ARHGEF4: variants seen among roughly 807,000 people sequenced by gnomAD.
ARHGEF4 encodes the protein Rho guanine nucleotide exchange factor 4.
In ARHGEF4, 119 loss-of-function variants were observed where a neutral mutation model predicts 162.0. The ratio of observed to expected loss-of-function variants is 0.73; its 90% CI spans 0.63 to 0.86. The LOEUF (loss-of-function observed/expected upper bound fraction) is 0.86, where lower values mean the gene tolerates loss of function less well. ARHGEF4 is among the 40% of genes least tolerant of loss of function. The probability of loss-of-function intolerance (pLI) is 0.00; values close to 1 mark genes in which losing one functional copy is unlikely to be tolerated. For missense variants in ARHGEF4, 2,488 were observed against 2,456.0 expected, an observed-to-expected ratio of 1.01 and a Z score of -0.28; for synonymous variants, 1,014 against 979.9, an observed-to-expected ratio of 1.03 and a Z score of -0.65.
intron 4 of ARHGEF4, among the ~76,000 whole-genome samples, chr2:131,016,354 G>C (rs1688776519): frequency 6.6e-6 from 1 of 152,178 alleles, no homozygotes; most frequent in African/African-American, 2.4e-5. Flanking sequence ...ATGGGCTCTG[G>C]ATAAATACAT....
At chr2:130,847,181 A>C (rs1335400721) in intron 1 of ARHGEF4, among the ~76,000 whole-genome samples, 1 of 152,190 alleles carries the variant, frequency 6.6e-6, no homozygotes, top group Non-Finnish European at 1.5e-5. Flanking sequence ...CACCCTCCAG[A>C]AGCAGGCTAC....
intron 1 of ARHGEF4, among the ~76,000 whole-genome samples, chr2:130,879,920 A>G (rs1440274276): frequency 6.6e-6 from 1 of 152,224 alleles, no homozygotes; most frequent in Non-Finnish European, 1.5e-5. Context: ...CTGGGACTAC[A>G]GATGACGTCC....
At chr2:130,985,891 T>C (rs1217742394) in intron 4 of ARHGEF4, among the ~76,000 whole-genome samples, 2 of 151,858 alleles carry the variant, frequency 1.3e-5, no homozygotes, top group Non-Finnish European at 2.9e-5. Context: ...TTGTATATGT[T>C]GTGTGCATTG....
rs766224023 is a variant in ARHGEF4 at position 131,043,583 on chromosome 2, G to A, written c.5157G>A (p.Lys1719=). 1 of 1,613,958 alleles carries A rather than the reference G, an allele frequency of 6.2e-7. No individual in the cohort carries two copies. Among genetic ancestry groups the A allele is most frequent in the Non-Finnish European group, 8.5e-7 (1 of 1,179,964 alleles). The change falls in exon 11 of 14, where the codon AAG becomes AAA. Residue 1719 remains lysine (K), a splice_region_variant and synonymous_variant. Coordinates refer to ENST00000409359, the MANE Select transcript of ARHGEF4 (RefSeq NM_001367493.1). ...ACCACCAGCTCATCTACTGTAAGAA[G>A]GTACCAGAGCTGCTCTGCCCTGCTG... ...LFDHQLIYCK[K]DLLRRDVLYY... is the part of the protein sequence containing the mutation.
At chr2:130,855,475 C>T (rs921398159) in intron 1 of ARHGEF4, among the ~76,000 whole-genome samples, 1 of 152,190 alleles carries the variant, frequency 6.6e-6, no homozygotes, top group African/African-American at 2.4e-5. Context: ...TGCAAGCTTC[C>T]AGGTGTCCCC....
At chr2:130,874,402 C>T (rs1480251157) in intron 1 of ARHGEF4, among the ~76,000 whole-genome samples, 1 of 152,232 alleles carries the variant, frequency 6.6e-6, no homozygotes. Context: ...TCCTCAGGCC[C>T]ACAAGGTGTG....
chr2:130,977,408 T>C (rs1685811969), intron 4 of ARHGEF4, among the ~76,000 whole-genome samples: 1 of 151,834 alleles, frequency 6.6e-6, no homozygotes, highest in Non-Finnish European at 1.5e-5. Context: ...GTGTTTTTTG[T>C]GTATGGGGTG....
At position 130,972,112 on chromosome 2, in the gene ARHGEF4, G is replaced by A. The variant is rs142047709; in HGVS notation, c.3985+25477G>A. 1.7e-3 allele frequency among the ~76,000 whole-genome samples: 253 copies of A among 152,310 alleles called. 3 individuals carry two copies. The highest frequency in any genetic ancestry group is 5.9e-3 in the African/African-American group (245 of 41,556). On this transcript the variant is annotated intron_variant, in intron 4 of 13. Transcript: ENST00000409359. ...TAAGTCATTCCAGGCAAGGCCTCGG[G>A]TTGTATAACTAATGTTTCTAATAAA...
intron 2 of ARHGEF4, among the ~76,000 whole-genome samples, chr2:130,925,374 A>G (rs188296473): frequency 4.6e-5 from 7 of 152,304 alleles, no homozygotes; most frequent in Admixed American, 6.5e-5. Context: ...AAGCAATTCA[A>G]TGGATAGTCT....
At chr2:130,918,388 TGGAA>T (rs1198075566) in intron 2 of ARHGEF4, among the ~76,000 whole-genome samples, 1 of 152,224 alleles carries the variant, frequency 6.6e-6, no homozygotes, top group Non-Finnish European at 1.5e-5. Flanking sequence ...CAGCTGCCCT[TGGAA>T]GGAGAGAGCT....
intron 4 of ARHGEF4, among the ~76,000 whole-genome samples, chr2:130,956,654 G>C (rs1025991982): frequency 2.6e-5 from 4 of 151,842 alleles, no homozygotes; most frequent in African/African-American, 9.7e-5. Flanking sequence ...AAAATGATGA[G>C]TTCATGTCCT....
chr2:130,903,627 C>T (rs1680642543), intron 1 of ARHGEF4, among the ~76,000 whole-genome samples: 1 of 152,144 alleles, frequency 6.6e-6, no homozygotes, highest in Admixed American at 6.5e-5. Flanking sequence ...GAGGTTTGGG[C>T]TTCTACTGAT....
intron 4 of ARHGEF4, among the ~76,000 whole-genome samples, chr2:130,969,117 A>C (rs1338531144): frequency 6.6e-6 from 1 of 152,124 alleles, no homozygotes; most frequent in South Asian, 2.1e-4. Flanking sequence ...CCTACCTTAA[A>C]TGTGCTCAGA....
At chr2:131,020,674 C>A (rs1689067397) in intron 4 of ARHGEF4, among the ~76,000 whole-genome samples, 5 of 152,110 alleles carry the variant, frequency 3.3e-5, no homozygotes, top group Admixed American at 3.3e-4. Flanking sequence ...GTCTTTATAG[C>A]AGCATGTTTT....
chr2:130,837,410 GC>G, intron 1 of ARHGEF4: 2 of 328,550 alleles, frequency 6.1e-6, no homozygotes, highest in South Asian at 2.3e-5. Flanking sequence ...GGGAAGGAGG[GC>G]TGGTGCCGGC....
chr2:130,971,331 T>G (rs748956804), intron 4 of ARHGEF4, among the ~76,000 whole-genome samples: 4 of 152,230 alleles, frequency 2.6e-5, no homozygotes, highest in Non-Finnish European at 5.9e-5. Context: ...TTAATTCTTC[T>G]TCTTTTTTGC....
In ARHGEF4 at chr2:131,040,456, C is replaced by G; in HGVS notation, c.4662+16C>G. ...CCTGGAGCATGTGAGCGCGCGGCCC[C>G]CGGCCCCTACCTGGGCGCTGCGTTC... On this transcript the variant is annotated intron_variant, in intron 8 of 13. Transcript: ENST00000409359. 1 of 1,537,566 alleles carries G rather than the reference C, an allele frequency of 6.5e-7. No homozygotes were observed. Among genetic ancestry groups the G allele is most frequent in the East Asian group, 2.4e-5 (1 of 41,542 alleles).
At position 130,916,950 on chromosome 2, in the gene ARHGEF4, G is replaced by C. The variant is rs1158940706; in HGVS notation, c.3004G>C (p.Asp1002His). The C allele has an allele frequency of 3.2e-6, 5 of 1,550,618 alleles. No homozygotes were observed. The East Asian group carries it at 9.8e-5, about 30-fold the overall frequency. ...GGACAAAGAGGGCTATGTTTTTAGC[G>C]ATCACTGGGCACCCCCACTTGCCTC... ...AEDKEGYVFS[D>H]HWAPPLASTP... Residue 1002 changes from aspartate (D) to histidine (H), a missense_variant, in exon 2 of 14, where the codon GAT becomes CAT. Physicochemically the swap from Asp to His is moderately conservative, Grantham distance 81. This residue lies in a region of ARHGEF4 where 1,642 missense variants were observed against 1,481.5 expected (regional missense o/e 1.11). Coordinates refer to ENST00000409359, the MANE Select transcript of ARHGEF4 (RefSeq NM_001367493.1).
intron 4 of ARHGEF4, among the ~76,000 whole-genome samples, chr2:130,983,552 T>C (rs892287383): frequency 6.6e-6 from 1 of 152,224 alleles, no homozygotes; most frequent in Non-Finnish European, 1.5e-5. Flanking sequence ...TAAAGCAAGC[T>C]AGTAAAGATT....
Sources: gnomAD v4.1 joint callset for allele counts (sites outside exome capture counted in the v4.1 genomes callset) on GRCh38, gnomAD v4.1.1 for gene constraint, gnomAD v4.1.1 regional missense constraint, MANE v1.5 for transcripts, NCBI Gene and HGNC (gene_info 2026-07-23, HGNC 2026-07-21) for gene names.